BMPR2: variants seen among roughly 807,000 people sequenced by gnomAD.
BMPR2 encodes the protein bone morphogenetic protein receptor type 2.
Under a neutral mutation model 100.8 loss-of-function variants are expected in BMPR2, and 29 were observed. That is an observed-to-expected ratio of 0.29 (90% CI 0.21 to 0.39). The LOEUF (loss-of-function observed/expected upper bound fraction) is 0.39. BMPR2 is among the 10% of genes least tolerant of loss of function. The pLI is 1.00. For synonymous variants in BMPR2, 382 were observed against 442.3 expected (o/e 0.86, Z 1.71); for missense variants, 1,011 against 1,274.5 (o/e 0.79, Z 3.15).
intron 7 of BMPR2, among the ~76,000 whole-genome samples, chr2:202,525,324 G>C (rs1377438272): frequency 3.3e-5 from 5 of 151,846 alleles, no homozygotes; most frequent in Non-Finnish European, 7.4e-5. Flanking sequence ...CAATTCTCCT[G>C]CCTCAGTCTC....
intron 1 of BMPR2, among the ~76,000 whole-genome samples, chr2:202,462,185 A>G (rs1339385067): frequency 1.3e-5 from 2 of 151,476 alleles, no homozygotes; most frequent in Non-Finnish European, 2.9e-5. Context: ...ACATTTCCAA[A>G]TTCTTCTCCC....
chr2:202,495,168 G>C lies in BMPR2; in HGVS notation c.419-18551G>C, dbSNP rs1574477187. Among the ~76,000 whole-genome samples, 1 of 152,206 alleles carries C rather than the reference G, an allele frequency of 6.6e-6. No homozygotes were observed. Among genetic ancestry groups the C allele is most frequent in the Non-Finnish European group, 1.5e-5 (1 of 68,040 alleles). The stretch of plus-strand genomic sequence containing the variant: ...AATTAGACCCCCTTCCTTATCACAA[G>C]GACAGAGGGATTTCTGTATCCCAGG... On this transcript the variant is annotated intron_variant, in intron 3 of 12. Coordinates refer to ENST00000374580, the MANE Select transcript of BMPR2 (RefSeq NM_001204.7). This position sits in a 1 kb window ranked among gnomAD's most constrained non-coding sequence, Gnocchi z 4.5.
chr2:202,476,080 TAAAAAAAAA>T (rs56243938), intron 3 of BMPR2, among the ~76,000 whole-genome samples: 3 of 95,408 alleles, frequency 3.1e-5, no homozygotes, highest in African/African-American at 7.9e-5. Context: ...GTCTCAAGGT[TAAAAAAAAA>T]AAAAAAAAAA....
intron 3 of BMPR2, among the ~76,000 whole-genome samples, chr2:202,498,023 A>G (rs1025899552): frequency 6.6e-6 from 1 of 151,924 alleles, no homozygotes; most frequent in Non-Finnish European, 1.5e-5. Flanking sequence ...TATCCTTCCT[A>G]TTCATATAAG....
chr2:202,487,564 C>T (rs147535213), intron 3 of BMPR2, among the ~76,000 whole-genome samples: 104 of 152,290 alleles, frequency 6.8e-4, no homozygotes, highest in Admixed American at 2.8e-3. Flanking sequence ...AACGCCAGAA[C>T]ACTGCTATAA....
intron 1 of BMPR2, among the ~76,000 whole-genome samples, chr2:202,392,991 C>CAAA: frequency 1.0e-5 from 1 of 95,782 alleles, no homozygotes; most frequent in Admixed American, 1.1e-4. Context: ...AACTCCGTCT[C>CAAA]AAAAAAAAAA....
At chr2:202,510,514 T>C (rs1329443355) in intron 3 of BMPR2, among the ~76,000 whole-genome samples, 1 of 152,228 alleles carries the variant, frequency 6.6e-6, no homozygotes, top group Non-Finnish European at 1.5e-5. Context: ...ATTCCAACTA[T>C]ATGACTTTCT....
At chr2:202,494,075 T>C (rs371823070) in intron 3 of BMPR2, among the ~76,000 whole-genome samples, 1 of 152,196 alleles carries the variant, frequency 6.6e-6, no homozygotes, top group African/African-American at 2.4e-5. Context: ...TCCAAACATA[T>C]TAATTAAAAG....
chr2:202,389,737 G>A (rs530776061), intron 1 of BMPR2, among the ~76,000 whole-genome samples: 2 of 151,516 alleles, frequency 1.3e-5, no homozygotes, highest in Non-Finnish European at 2.9e-5. Flanking sequence ...CGCCTCCTGG[G>A]TTCAAGTGAT....
intron 3 of BMPR2, among the ~76,000 whole-genome samples, chr2:202,474,500 G>T (rs1392707051): frequency 6.6e-6 from 1 of 152,106 alleles, no homozygotes; most frequent in Non-Finnish European, 1.5e-5. Context: ...AAAGTGGGTA[G>T]TGTGGGAAGA....
Position 202,503,661 on chromosome 2 carries a change from A to G in BMPR2, c.419-10058A>G, listed in dbSNP as rs1455139734. Among the ~76,000 whole-genome samples, 1 of 152,196 alleles carries G rather than the reference A, an allele frequency of 6.6e-6. No individual in the cohort carries two copies. Among genetic ancestry groups the G allele is most frequent in the African/African-American group, 2.4e-5 (1 of 41,552 alleles). On this transcript the variant is annotated intron_variant, in intron 3 of 12. Transcript: ENST00000374580. The surrounding 1 kb of genome is among the most constrained non-coding windows in gnomAD (Gnocchi z 4.0). ...CATGCCTGAGCCTCCCACCCCCTCC[A>G]TGGGCCCCTGTGCGGCCCGAGCCTC...
intron 3 of BMPR2, among the ~76,000 whole-genome samples, chr2:202,486,373 A>G (rs1380608755): frequency 6.6e-6 from 1 of 152,210 alleles, no homozygotes; most frequent in African/African-American, 2.4e-5. Context: ...TCACGCTTGT[A>G]ATCCCAGCAC....
chr2:202,556,618 A>G (rs1688577730), intron 12 of BMPR2, 87 bp downstream of exon 12: 1 of 1,438,030 alleles, frequency 7.0e-7, no homozygotes, highest in East Asian at 2.4e-5. Context: ...GATATATTTC[A>G]ACTAGTGATT....
In BMPR2 at chr2:202,559,980, T is replaced by G; in HGVS notation, c.*34T>G. 6.2e-7 allele frequency: 1 copy of G among 1,612,982 alleles called. No individual in the cohort carries two copies. Among genetic ancestry groups the G allele is most frequent in the Non-Finnish European group, 8.5e-7 (1 of 1,179,936 alleles). ...CAAGCCTATGGAGTGAAATTATTTT[T>G]TGCATCATTTAAACATGCAGAAGAT... On this transcript the variant is annotated 3_prime_UTR_variant, in exon 13 of 13. Transcript: ENST00000374580.
In BMPR2 at chr2:202,556,482, T is replaced by C. The variant is rs756717779; in HGVS notation, c.2817T>C (p.Asn939=). ...PSKPRRAQRP[N]SLDLSATNVL... ...AGCCCAGAAGAGCACAGAGGCCTAA[T>C]TCTCTGGATCTTTCAGCCACAAATG... The change falls in exon 12 of 13, where the codon AAT becomes AAC. Residue 939 remains asparagine, a synonymous_variant. Coordinates refer to ENST00000374580, the MANE Select transcript of BMPR2 (RefSeq NM_001204.7). 1 of 1,614,098 alleles carries C rather than the reference T, an allele frequency of 6.2e-7. No homozygotes were observed. The highest frequency in any genetic ancestry group is 8.5e-7 in the Non-Finnish European group (1 of 1,180,028).
intron 3 of BMPR2, among the ~76,000 whole-genome samples, chr2:202,482,981 T>G (rs1436136162): frequency 6.6e-6 from 1 of 152,112 alleles, no homozygotes; most frequent in Non-Finnish European, 1.5e-5. Flanking sequence ...GGCCTAGTTT[T>G]AATTTTTTGA....
At chr2:202,431,882 T>G (rs1213891280) in intron 1 of BMPR2, among the ~76,000 whole-genome samples, 3 of 150,476 alleles carry the variant, frequency 2.0e-5, no homozygotes, top group Non-Finnish European at 1.5e-5. Context: ...TACAAAAGAG[T>G]AGCCAATGAA....
intron 1 of BMPR2, among the ~76,000 whole-genome samples, chr2:202,449,029 A>G (rs1691918297): frequency 6.7e-6 from 1 of 148,942 alleles, no homozygotes; most frequent in Admixed American, 6.8e-5. Flanking sequence ...TTAAAATAGC[A>G]GGCCTGGGGT....
chr2:202,391,251 C>T (rs998859350), intron 1 of BMPR2, among the ~76,000 whole-genome samples: 1 of 151,950 alleles, frequency 6.6e-6, no homozygotes, highest in African/African-American at 2.4e-5. Flanking sequence ...GCTGAGATTA[C>T]AGGTGTGAGC....
Sources: allele counts gnomAD v4.1 joint callset (sites outside exome capture counted in the v4.1 genomes callset), GRCh38; gene constraint gnomAD v4.1.1; non-coding constraint Gnocchi (gnomAD v3.1); transcripts MANE v1.5; gene names NCBI Gene and HGNC (gene_info 2026-07-23, HGNC 2026-07-21).